The following EYA1 variants were observed in gnomAD, a reference collection of about 807,000 sequenced individuals.
EYA1 encodes EYA transcriptional coactivator and phosphatase 1.
A neutral mutation model predicts 82.0 loss-of-function variants in EYA1; 16 were observed. That is an observed-to-expected ratio of 0.20 (90% CI 0.13 to 0.30). The LOEUF (loss-of-function observed/expected upper bound fraction) is 0.30, where lower values mean the gene tolerates loss of function less well. EYA1 is among the 10% of genes least tolerant of loss of function. The pLI is 1.00. For synonymous variants in EYA1, 261 were observed against 264.4 expected (o/e 0.99, Z 0.12); for missense variants, 633 against 730.7 (o/e 0.87, Z 1.54).
intron 2 of EYA1, among the ~76,000 whole-genome samples, chr8:71,485,511 T>G (rs1194271542): frequency 1.4e-4 from 22 of 152,058 alleles, no homozygotes. Context: ...AAAAGAACGG[T>G]TAGGCAAGAA....
chr8:71,380,508 A>T (rs192947615), intron 2 of EYA1, among the ~76,000 whole-genome samples: 1 of 152,238 alleles, frequency 6.6e-6, no homozygotes, highest in East Asian at 1.9e-4. Context: ...CCCCTGCGGC[A>T]TGTCTATGCT....
chr8:71,398,812 C>T (rs542353999), intron 2 of EYA1, among the ~76,000 whole-genome samples: 1 of 152,364 alleles, frequency 6.6e-6, no homozygotes, highest in East Asian at 1.9e-4. Context: ...AACCACTACT[C>T]TCTTCAAAGC....
chr8:71,282,943 T>G (rs1025219198), intron 9 of EYA1, among the ~76,000 whole-genome samples: 5 of 151,890 alleles, frequency 3.3e-5, no homozygotes, highest in Non-Finnish European at 5.9e-5. Context: ...ACCTTGTTTT[T>G]TTTTTTTTTT....
At chr8:71,502,680 A>T (rs1811891429) in intron 2 of EYA1, among the ~76,000 whole-genome samples, 1 of 152,228 alleles carries the variant, frequency 6.6e-6, no homozygotes, top group Admixed American at 6.5e-5. Context: ...CTTTGAACTT[A>T]TCACGCTACA....
chr8:71,519,013 T>G (rs1391891620), intron 2 of EYA1, among the ~76,000 whole-genome samples: 1 of 152,192 alleles, frequency 6.6e-6, no homozygotes, highest in Non-Finnish European at 1.5e-5. Flanking sequence ...TATTTGCCAT[T>G]TATATCTTAA....
chr8:71,216,920 A>C (rs1404961791), intron 13 of EYA1, 45 bp downstream of exon 13: 1 of 1,611,614 alleles, frequency 6.2e-7, no homozygotes, highest in Admixed American at 1.7e-5. Flanking sequence ...GTAAGTAATT[A>C]AACTATAAAA....
intron 2 of EYA1, among the ~76,000 whole-genome samples, chr8:71,383,438 T>C (rs1190992530): frequency 2.0e-5 from 3 of 152,114 alleles, no homozygotes; most frequent in Non-Finnish European, 4.4e-5. Context: ...AGGAGTTTTT[T>C]TAAAAATTAA....
At chr8:71,375,686 T>C (rs999760163) in intron 2 of EYA1, among the ~76,000 whole-genome samples, 4 of 152,170 alleles carry the variant, frequency 2.6e-5, no homozygotes, top group African/African-American at 9.7e-5. Context: ...TGGACTATAG[T>C]GGCGTGATCT....
chr8:71,272,187 C>T (rs533473520), intron 9 of EYA1, among the ~76,000 whole-genome samples: 28 of 152,194 alleles, frequency 1.8e-4, no homozygotes, highest in Non-Finnish European at 2.8e-4. Context: ...GATTAGAGAA[C>T]GCTCCCCATG....
At chr8:71,355,893 T>G (rs1282415524) in intron 2 of EYA1, among the ~76,000 whole-genome samples, 3 of 152,312 alleles carry the variant, frequency 2.0e-5, no homozygotes, top group African/African-American at 7.2e-5. Context: ...CACACTTAGA[T>G]TCCATTATTT....
chr8:71,350,360 T>C (rs965381196), intron 3 of EYA1, among the ~76,000 whole-genome samples: 36 of 152,186 alleles, frequency 2.4e-4, no homozygotes, highest in African/African-American at 8.2e-4. Context: ...AATTTACTAG[T>C]GTTCTAAGCT....
Position 71,445,934 on chromosome 8 carries a change from T to C in EYA1, c.34-89423A>G, listed in dbSNP as rs188565353. On this transcript the variant is annotated intron_variant, in intron 2 of 18. Coordinates refer to the EYA1 transcript ENST00000643681. Reference sequence around the variant, plus strand: ...CATCGTAACCTCCTTTCTACTCTTATTTGGCTCACTTCTTCTCTAGAATAA... The same window carrying C: ...CATCGTAACCTCCTTTCTACTCTTACTTGGCTCACTTCTTCTCTAGAATAA... 3.3e-5 allele frequency among the ~76,000 whole-genome samples: 5 copies of C among 152,326 alleles called. No homozygotes were observed. The East Asian group carries it at 9.6e-4, about 29-fold the overall frequency.
At chr8:71,544,997 C>A (rs1260697898) in intron 1 of EYA1, among the ~76,000 whole-genome samples, 2 of 152,196 alleles carry the variant, frequency 1.3e-5, no homozygotes, top group Non-Finnish European at 2.9e-5. Context: ...ATCACTTTAG[C>A]TTTCTTCTTT....
chr8:71,432,848 C>A (rs1805724730), intron 2 of EYA1, among the ~76,000 whole-genome samples: 1 of 152,066 alleles, frequency 6.6e-6, no homozygotes, highest in South Asian at 2.1e-4. Context: ...TAAACAAAGA[C>A]CAAAAGAAGA....
intron 2 of EYA1, among the ~76,000 whole-genome samples, chr8:71,501,341 T>A (rs1195539989): frequency 6.6e-6 from 1 of 152,190 alleles, no homozygotes; most frequent in Non-Finnish European, 1.5e-5. Flanking sequence ...CACTTTCACT[T>A]CTGAGTGTCT....
intron 3 of EYA1, among the ~76,000 whole-genome samples, chr8:71,334,482 C>A (rs754408283): frequency 2.3e-4 from 35 of 152,138 alleles, no homozygotes; most frequent in Non-Finnish European, 4.1e-4. Context: ...TCAAAATCTA[C>A]ATGATGTGAT....
At chr8:71,271,327 TA>T (rs2128950724) in intron 10 of EYA1, among the ~76,000 whole-genome samples, 1 of 152,300 alleles carries the variant, frequency 6.6e-6, no homozygotes, top group African/African-American at 2.4e-5. Context: ...AATGTACAAT[TA>T]AGTTATTATT....
At chr8:71,296,611 C>A (rs1819623469) in intron 9 of EYA1, among the ~76,000 whole-genome samples, 1 of 139,644 alleles carries the variant, frequency 7.2e-6, no homozygotes. Context: ...AACTTTAAAC[C>A]CAATAGACTA....
chr8:71,494,158 G>T (rs1412777418), intron 2 of EYA1, among the ~76,000 whole-genome samples: 2 of 151,616 alleles, frequency 1.3e-5, no homozygotes, highest in African/African-American at 4.8e-5. Flanking sequence ...TTATATTTAG[G>T]CACAATAGCT....
Sources: allele counts gnomAD v4.1 joint callset (sites outside exome capture counted in the v4.1 genomes callset), GRCh38; gene constraint gnomAD v4.1.1; transcripts MANE v1.5; gene names NCBI Gene and HGNC (gene_info 2026-07-23, HGNC 2026-07-21).